ANKIB1: variants seen among roughly 807,000 people sequenced by gnomAD.
ANKIB1 encodes ankyrin repeat and IBR domain-containing protein 1.
Under a neutral mutation model 122.1 loss-of-function variants are expected in ANKIB1, and 43 were observed. That is an observed-to-expected ratio of 0.35 (90% CI 0.28 to 0.45). ANKIB1 has a LOEUF of 0.45. Among genes scored for constraint, ANKIB1 ranks in the 20% least tolerant of loss-of-function variants. The pLI is 1.00. For missense variants in ANKIB1, 992 were observed against 1,329.5 expected (o/e 0.75, Z 3.95); for synonymous variants, 390 against 442.0 (o/e 0.88, Z 1.48).
intron 10 of ANKIB1, among the ~76,000 whole-genome samples, chr7:92,370,284 G>A (rs1028674963): frequency 8.6e-5 from 13 of 151,638 alleles, no homozygotes; most frequent in East Asian, 1.9e-4. Flanking sequence ...CGAGGCGGGC[G>A]GATCACGAGG....
intron 2 of ANKIB1, among the ~76,000 whole-genome samples, chr7:92,303,744 T>A (rs79951488): frequency 0.1 from 15,765 of 152,084 alleles, 988 homozygotes; most frequent in East Asian, 0.35. Context: ...TAATTTAAAG[T>A]TTAGAACAAA....
At chr7:92,313,622 A>T (rs1802736034) in intron 3 of ANKIB1, among the ~76,000 whole-genome samples, 1 of 152,158 alleles carries the variant, frequency 6.6e-6, no homozygotes. Context: ...GGAAGATTTC[A>T]TGGGTAGTAG....
intron 5 of ANKIB1, among the ~76,000 whole-genome samples, chr7:92,338,966 A>ATATATATATT (rs1803369590): frequency 1.1e-5 from 1 of 93,380 alleles, no homozygotes; most frequent in Non-Finnish European, 2.0e-5. Context: ...ATATATATAT[A>ATATATATATT]TATATTTATA....
At chr7:92,364,184 G>A (rs896987802) in intron 10 of ANKIB1, among the ~76,000 whole-genome samples, 19 of 151,672 alleles carry the variant, frequency 1.3e-4, no homozygotes, top group African/African-American at 4.6e-4. Context: ...ATGGTGGTGT[G>A]CGCCTGTAAT....
chr7:92,264,052 T>C (rs1801617332), intron 1 of ANKIB1, among the ~76,000 whole-genome samples: 1 of 152,210 alleles, frequency 6.6e-6, no homozygotes, highest in Non-Finnish European at 1.5e-5. Context: ...TATTGCACAG[T>C]GTTCCATTGT....
chr7:92,339,718 C>A (rs1038695651), intron 5 of ANKIB1, among the ~76,000 whole-genome samples: 4 of 152,176 alleles, frequency 2.6e-5, no homozygotes, highest in Non-Finnish European at 1.5e-5. Context: ...TTTCTCTCTA[C>A]ATATAGCTGT....
At chr7:92,266,177 A>G (rs1318027804) in intron 1 of ANKIB1, among the ~76,000 whole-genome samples, 1 of 152,158 alleles carries the variant, frequency 6.6e-6, no homozygotes, top group Non-Finnish European at 1.5e-5. Flanking sequence ...TTCAGAAAGG[A>G]GGAGGAGAGA....
Position 92,367,420 on chromosome 7 carries a change from A to G in ANKIB1, c.1487-4057A>G, listed in dbSNP as rs529509076. 2.6e-5 allele frequency among the ~76,000 whole-genome samples: 4 copies of G among 152,368 alleles called. No individual in the cohort carries two copies. The South Asian group carries it at 8.3e-4, about 32-fold the overall frequency. On this transcript the variant is annotated intron_variant, in intron 10 of 19. Transcript: ENST00000265742. ...AGTAGAACCCCATCATTAAATATAC[A>G]AAAATGATATTTCAAAAAGGAAAAG... is the stretch of plus-strand genomic sequence containing the variant.
chr7:92,252,638 A>G (rs557100118), intron 1 of ANKIB1, among the ~76,000 whole-genome samples: 112 of 152,018 alleles, frequency 7.4e-4, no homozygotes, highest in African/African-American at 2.5e-3. Flanking sequence ...ATGGATTTCA[A>G]TTTTGTGAAA....
intron 9 of ANKIB1, among the ~76,000 whole-genome samples, chr7:92,357,770 CT>C (rs2115585835): frequency 6.7e-6 from 1 of 150,012 alleles, no homozygotes; most frequent in Non-Finnish European, 1.5e-5. Context: ...AAAAAACTTT[CT>C]TTAGTAAGTT....
intron 1 of ANKIB1, among the ~76,000 whole-genome samples, chr7:92,291,567 C>CTTTTTTTTTTTTTTTT (rs1188174295): frequency 8.6e-6 from 1 of 116,522 alleles, no homozygotes; most frequent in Admixed American, 9.0e-5. Context: ...TTTTCTTTTT[C>CTTTTTTTTTTTTTTTT]TTTTTTTTTT....
chr7:92,261,390 GTTTGT>G (rs3041533), intron 1 of ANKIB1, among the ~76,000 whole-genome samples: 52,286 of 144,806 alleles, frequency 0.36, 9,629 homozygotes, highest in African/African-American at 0.45. Context: ...TATGTTTTTT[GTTTGT>G]TTTGTTTTGT....
intron 2 of ANKIB1, among the ~76,000 whole-genome samples, chr7:92,295,735 A>G (rs1292137643): frequency 1.3e-5 from 2 of 152,214 alleles, no homozygotes; most frequent in Non-Finnish European, 2.9e-5. Context: ...ATTTTCTTAA[A>G]ACTGAAAATA....
intron 3 of ANKIB1, among the ~76,000 whole-genome samples, chr7:92,308,294 A>G (rs993279814): frequency 6.6e-6 from 1 of 152,128 alleles, no homozygotes; most frequent in Admixed American, 6.5e-5. Flanking sequence ...ATCTCTTAAG[A>G]TATTGGTCAT....
intron 10 of ANKIB1, among the ~76,000 whole-genome samples, chr7:92,370,244 C>T (rs892950080): frequency 5.3e-5 from 8 of 151,870 alleles, no homozygotes; most frequent in East Asian, 3.9e-4. Flanking sequence ...CACGGTGGCT[C>T]ACTCCTGTAA....
chr7:92,271,460 C>T (rs1303436272), intron 1 of ANKIB1, among the ~76,000 whole-genome samples: 14 of 152,076 alleles, frequency 9.2e-5, no homozygotes, highest in Admixed American at 9.2e-4. Context: ...CCTTTCCATA[C>T]AAATTTTGGA....
chr7:92,282,095 T>A (rs1166411404), intron 1 of ANKIB1, among the ~76,000 whole-genome samples: 1 of 152,146 alleles, frequency 6.6e-6, no homozygotes, highest in Non-Finnish European at 1.5e-5. Context: ...ATATGATTGA[T>A]TTAGGTTTAT....
intron 3 of ANKIB1, among the ~76,000 whole-genome samples, chr7:92,309,186 C>G (rs1342598151): frequency 6.6e-6 from 1 of 152,094 alleles, no homozygotes; most frequent in Non-Finnish European, 1.5e-5. Context: ...TTTGTGTAAC[C>G]TTTACCCATT....
intron 11 of ANKIB1, among the ~76,000 whole-genome samples, chr7:92,384,362 C>T (rs1804586221): frequency 6.6e-6 from 1 of 152,176 alleles, no homozygotes; most frequent in Non-Finnish European, 1.5e-5. Flanking sequence ...CAATGACTTT[C>T]TTTACAGAAT....
Sources: allele counts gnomAD v4.1 joint callset (sites outside exome capture counted in the v4.1 genomes callset), GRCh38; gene constraint gnomAD v4.1.1; transcripts MANE v1.5; gene names NCBI Gene and HGNC (gene_info 2026-07-23, HGNC 2026-07-21).